Variants in HPS4 observed in about 807,000 individuals in gnomAD.
HPS4 encodes the protein BLOC-3 complex member HPS4.
HPS4 carries 44 observed loss-of-function variants against 70.3 expected under a neutral mutation model. The observed-to-expected ratio is 0.63, with a 90% CI of 0.49 to 0.80. The LOEUF (loss-of-function observed/expected upper bound fraction) is 0.80. Ranked by LOEUF, HPS4 falls within the 30% of genes least tolerant of loss-of-function variation. The pLI, the probability that HPS4 is intolerant of heterozygous loss-of-function variation, is 0.00. For missense variants in HPS4, 873 were observed against 884.4 expected, an observed-to-expected ratio of 0.99 and a Z score of 0.16; for synonymous variants, 377 against 355.9, an observed-to-expected ratio of 1.06 and a Z score of -0.67.
chr22:26,473,003 T>C lies in HPS4; in HGVS notation c.277-64A>G, dbSNP rs528828179. ...CTCTTTGAGTCCAAGCCCAGAATCC[T>C]GGCATCCAGGGCTCTCAATTACCTG... On this transcript the variant is annotated intron_variant, in intron 4 of 13. Coordinates refer to ENST00000398145, the MANE Select transcript of HPS4 (RefSeq NM_022081.6). The C allele has an allele frequency of 6.3e-6, 9 of 1,434,574 alleles. No homozygotes were observed. In the Admixed American group the frequency reaches 1.2e-4, roughly 19 times the overall value. 88.9% of individuals were successfully genotyped at this position (1,434,574 alleles called of 1,614,324 possible). A position where few individuals can be genotyped will look rare whatever the true frequency, so the allele number is the denominator to read the frequency against.
intron 3 of HPS4, 80 bp downstream of exon 3, chr22:26,479,185 T>C: frequency 7.3e-7 from 1 of 1,367,422 alleles, no homozygotes; most frequent in East Asian, 2.3e-5. Context: ...ACTGTCCTAA[T>C]GTAAACCCCA....
chr22:26,447,754 T>C (rs140890303), downstream of HPS4, among the ~76,000 whole-genome samples: 1,883 of 152,160 alleles, frequency 0.012, 20 homozygotes, highest in Middle Eastern at 0.058. Flanking sequence ...CTCAAGCAGA[T>C]TGCAGCATTA....
chr22:26,467,814 C>T (rs935629535), intron 8 of HPS4: 1 of 152,146 alleles, frequency 6.6e-6, no homozygotes, highest in Non-Finnish European at 1.5e-5. Context: ...TCTCAATGAG[C>T]ATGCATGGCT....
At chr22:26,454,245 G>C (rs2085690674) in intron 13 of HPS4, among the ~76,000 whole-genome samples, 1 of 152,214 alleles carries the variant, frequency 6.6e-6, no homozygotes, top group Admixed American at 6.5e-5. Flanking sequence ...GGCCCAGCAA[G>C]ACAATCTCTT....
In HPS4 at chr22:26,481,704, G is replaced by A; in HGVS notation, c.41+18C>T. ...ACAGCCCAGCAAAAGCTATGCCATG[G>A]CAGGCCTTGTTACTCACCACGAGGC... On this transcript the variant is annotated intron_variant, in intron 2 of 13. Coordinates refer to ENST00000398145, the MANE Select transcript of HPS4 (RefSeq NM_022081.6). 6.2e-7 allele frequency: 1 copy of A among 1,612,798 alleles called. No homozygotes were observed. The highest frequency in any genetic ancestry group is 8.5e-7 in the Non-Finnish European group (1 of 1,178,738).
At chr22:26,458,201 T>C (rs1047977060) in intron 12 of HPS4, among the ~76,000 whole-genome samples, 17 of 152,226 alleles carry the variant, frequency 1.1e-4, no homozygotes, top group African/African-American at 4.1e-4. Flanking sequence ...ATCACAGATA[T>C]GTGAACATGA....
chr22:26,449,074 C>T (rs185676600), downstream of HPS4, among the ~76,000 whole-genome samples: 84 of 152,192 alleles, frequency 5.5e-4, no homozygotes, highest in Middle Eastern at 3.4e-3. Context: ...TCACTCCGTC[C>T]GCCAGCTCCT....
At chr22:26,479,720 T>C (rs1489066610) in intron 2 of HPS4, 2 of 1,069,976 alleles carry the variant, frequency 1.9e-6, no homozygotes, top group East Asian at 7.2e-5. Flanking sequence ...CAAAATAAGT[T>C]AGGGATGTAT....
rs62225813 is a variant in HPS4, at chr22:26,458,794, C to T, written c.1714-217G>A. Reference sequence around the variant, plus strand: ...CGAGACCGCACCACCACACTCCAGCCTGGGTGATAGAGTGAGACTCTGTCT... The same window carrying T: ...CGAGACCGCACCACCACACTCCAGCTTGGGTGATAGAGTGAGACTCTGTCT... On this transcript the variant is annotated intron_variant, in intron 11 of 13. Transcript: ENST00000398145. Among the ~76,000 whole-genome samples, 7,778 of 150,284 alleles carry T rather than the reference C, an allele frequency of 0.052. 266 individuals are homozygous for T. Among genetic ancestry groups the T allele is most frequent in the Non-Finnish European group, 0.077 (5,248 of 67,800 alleles).
At chr22:26,449,426 G>T (rs2085066965), downstream of HPS4, among the ~76,000 whole-genome samples, 1 of 151,034 alleles carries the variant, frequency 6.6e-6, no homozygotes, top group East Asian at 1.9e-4. Flanking sequence ...CGCCTCCTGG[G>T]TTTAAGCAAT....
chr22:26,457,625 C>T (rs1422908934), intron 13 of HPS4, among the ~76,000 whole-genome samples: 1 of 152,214 alleles, frequency 6.6e-6, no homozygotes, highest in African/African-American at 2.4e-5. Flanking sequence ...CCTCAGGTTC[C>T]TTCACTGCTG....
chr22:26,465,669 G>C (rs1201378613), intron 9 of HPS4, 118 bp from the exon 10 acceptor site: 3 of 806,808 alleles, frequency 3.7e-6, no homozygotes, highest in African/African-American at 1.7e-5. Context: ...GGGGTGCTGT[G>C]AGTGCATTCC....
chr22:26,444,002 C>G (rs1043966389), downstream of HPS4: 5 of 152,262 alleles, frequency 3.3e-5, no homozygotes, highest in African/African-American at 1.2e-4. Context: ...GCTTACCTCA[C>G]TGCCTACAGA....
At chr22:26,447,100 T>C (rs1391338496), downstream of HPS4, among the ~76,000 whole-genome samples, 1 of 152,234 alleles carries the variant, frequency 6.6e-6, no homozygotes, top group East Asian at 1.9e-4. Flanking sequence ...CCATGCTCAG[T>C]CCTTGGGTCT....
rs755051224 is a variant in HPS4 at position 26,452,507 on chromosome 22, G to A, written c.*726C>T. On this transcript the variant is annotated 3_prime_UTR_variant, in exon 14 of 14. Transcript: ENST00000398145. The stretch of plus-strand genomic sequence containing the variant: ...CGGCCCACTTGTAGTCAAAGGCAGC[G>A]CAGGTTGGTCCTGTTGTCACTGAAT... 17 of 380,496 alleles carry A rather than the reference G, an allele frequency of 4.5e-5. No homozygotes were observed. Among genetic ancestry groups the A allele is most frequent in the Middle Eastern group, 7.5e-4 (2 of 2,654 alleles). 23.6% of individuals were successfully genotyped at this position (380,496 alleles called of 1,614,324 possible). A position where few individuals can be genotyped will look rare whatever the true frequency, so the allele number is the denominator to read the frequency against.
intron 8 of HPS4, 76 bp downstream of exon 8, chr22:26,468,475 G>A: frequency 7.6e-7 from 1 of 1,308,978 alleles, no homozygotes; most frequent in Non-Finnish European, 1.1e-6. Flanking sequence ...CTCTGCTCCT[G>A]ATCCCTCCAG....
Position 26,481,795 on chromosome 22 carries a change from A to G in HPS4, c.-33T>C. Reference sequence around the variant, plus strand: ...GCAGTCATCCTCATTCTCTTCATTTAGGTTTTCTTTTCCGGTATCACTTCT... The same window carrying G: ...GCAGTCATCCTCATTCTCTTCATTTGGGTTTTCTTTTCCGGTATCACTTCT... On this transcript the variant is annotated 5_prime_UTR_variant, in exon 2 of 14. Transcript: ENST00000398145. The G allele has an allele frequency of 6.2e-7, 1 of 1,609,960 alleles. No individual in the cohort carries two copies. Among genetic ancestry groups the G allele is most frequent in the Non-Finnish European group, 8.5e-7 (1 of 1,176,240 alleles).
rs764598676 is a variant in HPS4, at chr22:26,472,434, C to A, written c.385-16G>T. ...GAGAACAGTTCTAAAACAGAAAGAG[C>A]CTCAGGTCAATATCTGAGATTTTGA... On this transcript the variant is annotated splice_polypyrimidine_tract_variant and intron_variant, in intron 5 of 13. Coordinates refer to ENST00000398145, the MANE Select transcript of HPS4 (RefSeq NM_022081.6). 1 of 1,471,614 alleles carries A rather than the reference C, an allele frequency of 6.8e-7. No individual in the cohort carries two copies. Among genetic ancestry groups the A allele is most frequent in the East Asian group, 2.3e-5 (1 of 44,182 alleles). The allele number at this position is 1,471,614 out of a possible 1,614,324, so 91.2% of individuals were successfully genotyped here.
In HPS4 at chr22:26,464,100, T is replaced by C; in HGVS notation, c.1530A>G (p.Ser510=). Residue 510 remains serine, a synonymous_variant, in exon 11 of 14, where the codon TCA becomes TCG. Transcript: ENST00000398145. ...CAGCACCCTGACAGTTTGCTGAGCC[T>C]GAACTGCATTCCAGACCAGGGGCTG... is the stretch of plus-strand genomic sequence containing the variant. ...SHAAPGLECS[S]GSANCQGAGP... is the part of the protein sequence containing the mutation. The C allele has an allele frequency of 6.2e-7, 1 of 1,614,266 alleles. No homozygotes were observed. Among genetic ancestry groups the C allele is most frequent in the Non-Finnish European group, 8.5e-7 (1 of 1,180,052 alleles).
Sources: gnomAD v4.1 joint callset for allele counts (sites outside exome capture counted in the v4.1 genomes callset) on GRCh38, gnomAD v4.1.1 for gene constraint, MANE v1.5 for transcripts, NCBI Gene and HGNC (gene_info 2026-07-23, HGNC 2026-07-21) for gene names.